UNC5C: variants seen among roughly 807,000 people sequenced by gnomAD.
UNC5C encodes the protein netrin receptor UNC5C.
Under a neutral mutation model 99.8 loss-of-function variants are expected in UNC5C, and 47 were observed. The ratio of observed to expected loss-of-function variants is 0.47; its 90% CI spans 0.37 to 0.60. UNC5C has a LOEUF of 0.60. UNC5C is among the 20% of genes least tolerant of loss of function. The pLI, the probability that UNC5C is intolerant of heterozygous loss-of-function variation, is 0.00. For missense variants in UNC5C, 1,062 were observed against 1,165.9 expected, an observed-to-expected ratio of 0.91 and a Z score of 1.30; for synonymous variants, 487 against 452.2, an observed-to-expected ratio of 1.08 and a Z score of -0.98.
At chr4:95,237,064 G>T (rs1396287768) in intron 7 of UNC5C, among the ~76,000 whole-genome samples, 1 of 151,910 alleles carries the variant, frequency 6.6e-6, no homozygotes, top group African/African-American at 2.4e-5. Flanking sequence ...TCTCTAGGTT[G>T]GTTATAATAC....
intron 1 of UNC5C, among the ~76,000 whole-genome samples, chr4:95,480,438 C>T (rs953344427): frequency 4.6e-5 from 7 of 151,820 alleles, no homozygotes; most frequent in Admixed American, 3.9e-4. Flanking sequence ...GCAATAAATG[C>T]TACCATTTTC....
At chr4:95,365,868 G>T (rs981861865) in intron 1 of UNC5C, among the ~76,000 whole-genome samples, 8 of 151,938 alleles carry the variant, frequency 5.3e-5, no homozygotes, top group Admixed American at 1.3e-4. Context: ...TTTATCTAGG[G>T]TTTAGCTGCT....
At chr4:95,423,667 G>T (rs1376182916) in intron 1 of UNC5C, among the ~76,000 whole-genome samples, 1 of 152,220 alleles carries the variant, frequency 6.6e-6, no homozygotes, top group Non-Finnish European at 1.5e-5. Flanking sequence ...AGACTTAGAA[G>T]AAATGTCTTT....
intron 13 of UNC5C, among the ~76,000 whole-genome samples, chr4:95,183,767 C>T (rs1736713176): frequency 6.6e-6 from 1 of 152,186 alleles, no homozygotes; most frequent in Non-Finnish European, 1.5e-5. Context: ...GCTTCGGAGC[C>T]AAATCCAGTA....
chr4:95,535,438 A>G (rs1722749468), intron 1 of UNC5C, among the ~76,000 whole-genome samples: 1 of 152,330 alleles, frequency 6.6e-6, no homozygotes, highest in Non-Finnish European at 1.5e-5. Context: ...GACTTACATG[A>G]TAAGAATAAA....
chr4:95,358,659 T>A (rs61076479), intron 1 of UNC5C, among the ~76,000 whole-genome samples: 1 of 152,086 alleles, frequency 6.6e-6, no homozygotes, highest in African/African-American at 2.4e-5. Flanking sequence ...GCTTCTGGCC[T>A]TTTCTCCCTC....
At chr4:95,200,941 A>G (rs1737630558) in intron 12 of UNC5C, among the ~76,000 whole-genome samples, 2 of 151,948 alleles carry the variant, frequency 1.3e-5, no homozygotes, top group Non-Finnish European at 2.9e-5. Context: ...GGAGGTGATT[A>G]GGTCATAAAG....
intron 14 of UNC5C, among the ~76,000 whole-genome samples, chr4:95,175,488 C>T (rs1217875778): frequency 2.0e-5 from 3 of 149,534 alleles, no homozygotes; most frequent in Non-Finnish European, 3.0e-5. Flanking sequence ...TATTTTATTT[C>T]TCCTTCACTT....
intron 10 of UNC5C, 70 bp downstream of exon 10, chr4:95,216,054 G>A: frequency 3.0e-6 from 4 of 1,315,186 alleles, no homozygotes; most frequent in Middle Eastern, 4.2e-4. Context: ...TGGGTTTATT[G>A]TGTCTATTGT....
At chr4:95,203,645 G>T (rs1737770909) in intron 11 of UNC5C, among the ~76,000 whole-genome samples, 2 of 151,914 alleles carry the variant, frequency 1.3e-5, no homozygotes, top group East Asian at 1.9e-4. Flanking sequence ...AATTTTTTTT[G>T]ATAGAGATGG....
At chr4:95,211,526 T>C (rs1738073994) in intron 10 of UNC5C, among the ~76,000 whole-genome samples, 1 of 152,204 alleles carries the variant, frequency 6.6e-6, no homozygotes, top group South Asian at 2.1e-4. Flanking sequence ...ATTAGCAAAA[T>C]GTCTTCTTTA....
chr4:95,459,433 T>C (rs1273830956), intron 1 of UNC5C, among the ~76,000 whole-genome samples: 3 of 152,124 alleles, frequency 2.0e-5, no homozygotes, highest in African/African-American at 7.2e-5. Flanking sequence ...CATTAAGGTA[T>C]CAGACTAGAC....
intron 12 of UNC5C, among the ~76,000 whole-genome samples, chr4:95,188,766 A>G (rs75101259): frequency 3.3e-5 from 5 of 152,326 alleles, no homozygotes; most frequent in African/African-American, 1.2e-4. Context: ...CTCCCTGGGA[A>G]CATTCATTCA....
chr4:95,176,558 G>T (rs988601128), intron 14 of UNC5C, among the ~76,000 whole-genome samples: 43 of 151,494 alleles, frequency 2.8e-4, no homozygotes, highest in African/African-American at 1.0e-3. Flanking sequence ...GCTGCTCAGG[G>T]GTAGGGGTCA....
chr4:95,341,501 A>AGG (rs1560794817), intron 1 of UNC5C, among the ~76,000 whole-genome samples: 2 of 104,766 alleles, frequency 1.9e-5, no homozygotes, highest in Non-Finnish European at 4.4e-5. Context: ...AGAAAGAAGA[A>AGG]AGAGAGAGAA....
At chr4:95,256,714 A>ATATATATATATG (rs1579272889) in intron 4 of UNC5C, among the ~76,000 whole-genome samples, 6 of 127,314 alleles carry the variant, frequency 4.7e-5, no homozygotes, top group Admixed American at 7.8e-5. Flanking sequence ...ATATATATAT[A>ATATATATATATG]TATATATGAG....
At chr4:95,547,547 C>G (rs996617804) in intron 1 of UNC5C, among the ~76,000 whole-genome samples, 1 of 152,198 alleles carries the variant, frequency 6.6e-6, no homozygotes, top group Non-Finnish European at 1.5e-5. Context: ...GGGAGAATCC[C>G]TGAATTGCCT....
chr4:95,490,138 A>G (rs1336388901), intron 1 of UNC5C, among the ~76,000 whole-genome samples: 1 of 151,582 alleles, frequency 6.6e-6, no homozygotes, highest in Non-Finnish European at 1.5e-5. Flanking sequence ...TCTGAGAGGA[A>G]GAGAGGCAAA....
chr4:95,486,406 G>GATACT (rs202225766), intron 1 of UNC5C, among the ~76,000 whole-genome samples: 40,087 of 151,296 alleles, frequency 0.26, 6,468 homozygotes, highest in Non-Finnish European at 0.35. Context: ...CCAAATCATT[G>GATACT]CTGTGTTGAT....
Sources: gnomAD v4.1 joint callset for allele counts (sites outside exome capture counted in the v4.1 genomes callset) on GRCh38, gnomAD v4.1.1 for gene constraint, MANE v1.5 for transcripts, NCBI Gene and HGNC (gene_info 2026-07-23, HGNC 2026-07-21) for gene names.